A4GNT: variants seen among roughly 807,000 people sequenced by gnomAD.
The protein encoded by A4GNT is alpha-1,4-N-acetylglucosaminyltransferase.
A4GNT carries 6 observed loss-of-function variants against 8.3 expected under a neutral mutation model. That is an observed-to-expected ratio of 0.72 (90% CI 0.39 to 1.42). The LOEUF (loss-of-function observed/expected upper bound fraction) is 1.42. Ranked by LOEUF, A4GNT falls within the 40% of genes most tolerant of loss-of-function variation. The pLI is 0.02. For missense variants in A4GNT, 377 were observed against 417.0 expected, an observed-to-expected ratio of 0.90 and a Z score of 0.84; for synonymous variants, 157 against 159.8, an observed-to-expected ratio of 0.98 and a Z score of 0.13.
chr3:138,124,491 G>A lies in A4GNT; in HGVS notation c.796C>T (p.Arg266Ter), dbSNP rs113881039. The A allele has an allele frequency of 2.7e-3, 4,390 of 1,614,198 alleles. 14 individuals are homozygous for A. Among genetic ancestry groups the A allele is most frequent in the Non-Finnish European group, 3.0e-3 (3,544 of 1,180,040 alleles). ...ACTTCATAGTAGCGCCTCCACTCTC[G>A]ATAGGAGATGGGGTAAAATCTTTGG... ...HPQRFYPISY[R>*]EWRRYYEVWD... Residue 266 changes from arginine to a stop codon, truncating the protein, a stop_gained, in exon 3 of 3, where the codon CGA becomes TGA. Transcript: ENST00000236709. LOFTEE classifies it low-confidence loss of function (END_TRUNC).
intron 2 of A4GNT, 77 bp downstream of exon 2, chr3:138,130,772 T>A: frequency 6.6e-7 from 1 of 1,514,704 alleles, no homozygotes; most frequent in Non-Finnish European, 8.9e-7. Context: ...TCTATTCCCA[T>A]CTCCGACCTG....
intron 1 of A4GNT, 143 bp downstream of exon 1, chr3:138,132,069 A>G (rs1408299795): frequency 6.6e-6 from 1 of 152,134 alleles, no homozygotes; most frequent in Non-Finnish European, 1.5e-5. Flanking sequence ...AACTAATAGA[A>G]CTAAGAAAAA....
intron 2 of A4GNT, among the ~76,000 whole-genome samples, chr3:138,125,329 T>C (rs2042739176): frequency 6.6e-6 from 1 of 152,092 alleles, no homozygotes; most frequent in African/African-American, 2.4e-5. Flanking sequence ...ATTTGAAAAA[T>C]TGATAAAAAA....
intron 2 of A4GNT, 73 bp from the exon 3 acceptor site, chr3:138,124,951 C>G (rs2042737203): frequency 1.3e-6 from 2 of 1,534,046 alleles, no homozygotes; most frequent in South Asian, 2.5e-5. Flanking sequence ...GGAGGCCAGG[C>G]CCAGAGAGGC....
chr3:138,133,168 CTT>C (rs1250637263), upstream of A4GNT, among the ~76,000 whole-genome samples: 1 of 152,178 alleles, frequency 6.6e-6, no homozygotes, highest in Non-Finnish European at 1.5e-5. Context: ...CCTGAGCAGA[CTT>C]TAGATTCTAA....
chr3:138,124,185 C>G lies in A4GNT; in HGVS notation c.*79G>C. Reference sequence around the variant, plus strand: ...ACCCTCTGCCCACCCCGCCAAGAGACAGTGGAGATCAAGTGAAAATGTGGC... The same window carrying G: ...ACCCTCTGCCCACCCCGCCAAGAGAGAGTGGAGATCAAGTGAAAATGTGGC... On this transcript the variant is annotated 3_prime_UTR_variant, in exon 3 of 3. Coordinates refer to ENST00000236709, the MANE Select transcript of A4GNT (RefSeq NM_016161.3). 1.3e-6 allele frequency: 2 copies of G among 1,533,414 alleles called. No individual in the cohort carries two copies. The highest frequency in any genetic ancestry group is 1.8e-4 in the Middle Eastern group (1 of 5,630). 95.0% of individuals were successfully genotyped at this position (1,533,414 alleles called of 1,614,324 possible).
rs2042772790 is a variant in A4GNT at position 138,130,964 on chromosome 3, G to C, written c.293C>G (p.Ser98Ter). Residue 98 changes from serine to a stop codon, truncating the protein, a stop_gained, in exon 2 of 3, where the codon TCA becomes TGA. Coordinates refer to ENST00000236709, the MANE Select transcript of A4GNT (RefSeq NM_016161.3). LOFTEE classifies it high-confidence loss of function. ...GGAAAAAGCTGGGTATGTGGAGTTT[G>C]AGGGCATCGGTGTGGAATCAGTAAG... ...KGLTDSTPMP[S>*]NSTYPAFSFL... The C allele has an allele frequency of 6.2e-7, 1 of 1,614,178 alleles. No individual in the cohort carries two copies. Among genetic ancestry groups the C allele is most frequent in the East Asian group, 2.2e-5 (1 of 44,890 alleles).
intron 2 of A4GNT, among the ~76,000 whole-genome samples, chr3:138,125,677 C>T (rs1275203895): frequency 2.0e-5 from 3 of 152,188 alleles, no homozygotes; most frequent in Admixed American, 1.3e-4. Context: ...GAGGAGGGAA[C>T]TCCTAGAACT....
chr3:138,125,377 T>G, intron 2 of A4GNT, among the ~76,000 whole-genome samples: 1 of 152,216 alleles, frequency 6.6e-6, no homozygotes, highest in Non-Finnish European at 1.5e-5. Flanking sequence ...TATTAATTCC[T>G]TTATTATTAA....
At chr3:138,124,968 G>C in intron 2 of A4GNT, 90 bp from the exon 3 acceptor site, 1 of 1,482,520 alleles carries the variant, frequency 6.7e-7, no homozygotes, top group Non-Finnish European at 9.0e-7. Flanking sequence ...AGGCTGGGGA[G>C]GGGTTAAAGA....
In A4GNT at chr3:138,124,172, C is replaced by A. The variant is rs1205526571; in HGVS notation, c.*92G>T. On this transcript the variant is annotated 3_prime_UTR_variant, in exon 3 of 3. Coordinates refer to ENST00000236709, the MANE Select transcript of A4GNT (RefSeq NM_016161.3). ...CATTTGAGAGGCAACCCTCTGCCCA[C>A]CCCGCCAAGAGACAGTGGAGATCAA... 2 of 1,503,164 alleles carry A rather than the reference C, an allele frequency of 1.3e-6. No homozygotes were observed. The highest frequency in any genetic ancestry group is 1.8e-6 in the Non-Finnish European group (2 of 1,121,352). The allele number at this position is 1,503,164 out of a possible 1,614,324, so 93.1% of individuals were successfully genotyped here. A position where few individuals can be genotyped will look rare whatever the true frequency, so the allele number is the denominator to read the frequency against.
intron 2 of A4GNT, among the ~76,000 whole-genome samples, chr3:138,128,059 G>A (rs1215963555): frequency 6.6e-6 from 1 of 152,202 alleles, no homozygotes; most frequent in African/African-American, 2.4e-5. Context: ...CTGAAAGAGG[G>A]TTCCATGCTC....
At position 138,131,079 on chromosome 3, in the gene A4GNT, T is replaced by C. The variant is rs1167337621; in HGVS notation, c.178A>G (p.Arg60Gly). 16 of 1,613,352 alleles carry C rather than the reference T, an allele frequency of 9.9e-6. No homozygotes were observed. Among genetic ancestry groups the C allele is most frequent in the Non-Finnish European group, 1.2e-5 (14 of 1,179,516 alleles). The change falls in exon 2 of 3, where the codon AGA (arginine) becomes GGA (glycine). Residue 60 changes from arginine (R) to glycine (G), a missense_variant. By Grantham distance (125) the Arg-to-Gly change is moderately radical. Transcript: ENST00000236709. ...RGIVFLETSERMEPPHLVSCS... is the reference protein window; with the variant it reads ...RGIVFLETSEGMEPPHLVSCS... Reference sequence around the variant, plus strand: ...GAGACCAAATGGGGTGGCTCCATTCTCTCTGAGGTCTCTAGAAACACAATG... The same window carrying C: ...GAGACCAAATGGGGTGGCTCCATTCCCTCTGAGGTCTCTAGAAACACAATG...
chr3:138,130,760 GT>G (rs1031470246), intron 2 of A4GNT, 88 bp downstream of exon 2: 3 of 1,441,134 alleles, frequency 2.1e-6, no homozygotes, highest in Non-Finnish European at 2.8e-6. Flanking sequence ...CCAAATGTGG[GT>G]TCTATTCCCA....
chr3:138,129,244 G>C (rs2042763065), intron 2 of A4GNT, among the ~76,000 whole-genome samples: 1 of 152,176 alleles, frequency 6.6e-6, no homozygotes, highest in Admixed American at 6.5e-5. Flanking sequence ...ACCTTATATG[G>C]GAAAAGTATC....
rs566375359 is a variant in A4GNT, at chr3:138,130,443, CCTT to C, written c.408+403_408+405del. On this transcript the variant is annotated intron_variant, in intron 2 of 2. Transcript: ENST00000236709. ...TCTCATATCGCAGCATTTCATCCATCCTTCATGAATTTTCTACTTACATCATTT... is the reference window on the plus strand; with the variant it reads ...TCTCATATCGCAGCATTTCATCCATCCATGAATTTTCTACTTACATCATTT... Among the ~76,000 whole-genome samples the C allele has an allele frequency of 8.9e-4, 135 of 152,178 alleles. No individual in the cohort carries two copies. The South Asian group carries it at 0.013, about 15-fold the overall frequency.
At chr3:138,126,241 T>C (rs1203106991) in intron 2 of A4GNT, among the ~76,000 whole-genome samples, 1 of 150,874 alleles carries the variant, frequency 6.6e-6, no homozygotes, top group Admixed American at 6.6e-5. Flanking sequence ...GAGAGAAGAG[T>C]CACAGATGAC....
rs757796942 is a variant in A4GNT, at chr3:138,124,362, C to T, written c.925G>A (p.Glu309Lys). The T allele has an allele frequency of 6.2e-7, 1 of 1,614,248 alleles. No homozygotes were observed. Among genetic ancestry groups the T allele is most frequent in the Non-Finnish European group, 8.5e-7 (1 of 1,180,052 alleles). Residue 309 changes from glutamate (E) to lysine (K), a missense_variant, in exon 3 of 3, where the codon GAA becomes AAA. Glu to Lys is a moderately conservative substitution (Grantham distance 56). Coordinates refer to ENST00000236709, the MANE Select transcript of A4GNT (RefSeq NM_016161.3). ...AVIRGSNTLVENLYRKHCPRT... is the reference protein window; with the variant it reads ...AVIRGSNTLVKNLYRKHCPRT... ...GGACAGTGCTTGCGATAGAGATTTT[C>T]CACCAGTGTGTTGCTTCCTCTAATC...
upstream of A4GNT, chr3:138,132,444 C>T (rs2042783693): frequency 6.6e-6 from 1 of 152,208 alleles, no homozygotes; most frequent in Non-Finnish European, 1.5e-5. Context: ...TCCAACTCAA[C>T]AACACAGGGG....
Sources: gnomAD v4.1 joint callset for allele counts (sites outside exome capture counted in the v4.1 genomes callset) on GRCh38, gnomAD v4.1.1 for gene constraint, MANE v1.5 for transcripts, NCBI Gene and HGNC (gene_info 2026-07-23, HGNC 2026-07-21) for gene names.